EXOC4: variants seen among roughly 807,000 people sequenced by gnomAD.
The protein encoded by EXOC4 is SEC8-like 1.
EXOC4 carries 71 observed loss-of-function variants against 107.2 expected under a neutral mutation model. The observed-to-expected ratio is 0.66, with a 90% confidence interval of 0.55 to 0.81. EXOC4 has a LOEUF of 0.81. Ranked by LOEUF, EXOC4 falls within the 30% of genes least tolerant of loss-of-function variation. EXOC4 has a pLI of 0.00. For synonymous variants in EXOC4, 456 were observed against 441.2 expected (o/e 1.03, Z -0.42); for missense variants, 1,108 against 1,189.6 (o/e 0.93, Z 1.01).
intron 5 of EXOC4, among the ~76,000 whole-genome samples, chr7:133,339,486 C>T (rs147656888): frequency 2.0e-4 from 30 of 152,138 alleles, no homozygotes; most frequent in Admixed American, 5.9e-4. Flanking sequence ...GCTTTGGCTA[C>T]GTGGGTTCCA....
chr7:133,477,610 ACACT>A (rs1799049341), intron 8 of EXOC4, among the ~76,000 whole-genome samples: 1 of 152,136 alleles, frequency 6.6e-6, no homozygotes, highest in African/African-American at 2.4e-5. Context: ...GCTGCTTTAA[ACACT>A]CATATGCAGG....
chr7:133,331,115 G>A (rs1322166812), intron 5 of EXOC4, among the ~76,000 whole-genome samples: 1 of 152,122 alleles, frequency 6.6e-6, no homozygotes, highest in African/African-American at 2.4e-5. Context: ...CTTATAAAAT[G>A]CAAAGTCAAG....
Position 133,465,101 on chromosome 7 carries a change from T to A in EXOC4, c.1183-10227T>A, listed in dbSNP as rs368104639. On this transcript the variant is annotated intron_variant, in intron 7 of 17. Coordinates refer to ENST00000253861, the MANE Select transcript of EXOC4 (RefSeq NM_021807.4). ...TCACAAAGTGTTAGGATTATAGGCA[T>A]GTGCCACTGCACCCAGCCTGAAGTT... Among the ~76,000 whole-genome samples the A allele has an allele frequency of 1.1e-3, 173 of 152,292 alleles. 1 individual carries two copies. Among genetic ancestry groups the A allele is most frequent in the African/African-American group, 3.9e-3 (164 of 41,562 alleles).
intron 7 of EXOC4, among the ~76,000 whole-genome samples, chr7:133,448,002 A>G (rs796390059): frequency 3.7e-4 from 57 of 152,334 alleles, no homozygotes; most frequent in African/African-American, 1.3e-3. Flanking sequence ...TATTGTCCCA[A>G]ATGTGTTTAA....
chr7:133,509,006 C>T (rs770495191), intron 9 of EXOC4, among the ~76,000 whole-genome samples: 14 of 152,166 alleles, frequency 9.2e-5, no homozygotes, highest in African/African-American at 2.7e-4. Context: ...GTAGAAACTG[C>T]TGGTTGCTTA....
In EXOC4 at chr7:133,864,188, T is replaced by TCAAA. The variant is rs1276342684; in HGVS notation, c.1735-31411_1735-31410insCAAA. ...AACTTGATTTGACTAGGCCCACTTG[T>TCAAA]TTGTATGTGGAAATTGATGTTAATG... On this transcript the variant is annotated intron_variant, in intron 11 of 17. Transcript: ENST00000253861. Among the ~76,000 whole-genome samples, 5 of 152,302 alleles carry TCAAA rather than the reference T, an allele frequency of 3.3e-5. No homozygotes were observed. In the South Asian group the frequency reaches 1.0e-3, roughly 32 times the overall value.
chr7:133,323,151 C>T (rs1795154053), intron 5 of EXOC4, among the ~76,000 whole-genome samples: 1 of 152,182 alleles, frequency 6.6e-6, no homozygotes, highest in African/African-American at 2.4e-5. Flanking sequence ...ATCATGTCAT[C>T]TGCAAACAGA....
At chr7:134,058,514 A>T (rs926927195) in intron 17 of EXOC4, among the ~76,000 whole-genome samples, 11 of 152,212 alleles carry the variant, frequency 7.2e-5, no homozygotes, top group Non-Finnish European at 1.5e-4. Context: ...TCTTGCTTGT[A>T]AACTCCCAAA....
At chr7:134,007,601 T>G (rs1471082339) in intron 16 of EXOC4, 75 bp from the exon 17 acceptor site, 2 of 1,395,928 alleles carry the variant, frequency 1.4e-6, no homozygotes. Flanking sequence ...ACAGCAATTC[T>G]GTGTGCAAGT....
chr7:134,075,217 GGGTGA>G, the EXOC4 span, among the ~76,000 whole-genome samples: 1 of 152,162 alleles, frequency 6.6e-6, no homozygotes, highest in Non-Finnish European at 1.5e-5. Flanking sequence ...CATACAGCAT[GGGTGA>G]TTTGGGGTGA....
intron 9 of EXOC4, among the ~76,000 whole-genome samples, chr7:133,548,505 A>G (rs780760667): frequency 1.3e-5 from 2 of 152,192 alleles, no homozygotes; most frequent in African/African-American, 4.8e-5. Context: ...AGGCTGTTTC[A>G]TCTACACTGA....
In EXOC4 at chr7:133,477,244, G is replaced by C. The variant is rs146658292; in HGVS notation, c.1328+1771G>C. On this transcript the variant is annotated intron_variant, in intron 8 of 17. Transcript: ENST00000253861. ...TCTAATGGGTTTTGACAAGGCATAAGTTCCCACCATTACAGTGTCATACAG... is the reference window on the plus strand; with the variant it reads ...TCTAATGGGTTTTGACAAGGCATAACTTCCCACCATTACAGTGTCATACAG... Among the ~76,000 whole-genome samples, 925 of 152,232 alleles carry C rather than the reference G, an allele frequency of 6.1e-3. 12 individuals are homozygous for C. Among genetic ancestry groups the C allele is most frequent in the African/African-American group, 0.021 (880 of 41,536 alleles).
chr7:133,645,436 T>G (rs1163642238), intron 10 of EXOC4, among the ~76,000 whole-genome samples: 1 of 152,040 alleles, frequency 6.6e-6, no homozygotes, highest in Non-Finnish European at 1.5e-5. Context: ...GTGGTCCCTT[T>G]CCTTTTCCTC....
intron 7 of EXOC4, among the ~76,000 whole-genome samples, chr7:133,389,350 C>G (rs1049147597): frequency 6.6e-6 from 1 of 152,022 alleles, no homozygotes; most frequent in Non-Finnish European, 1.5e-5. Flanking sequence ...GCCAGTGGAT[C>G]ACCTGAGGTC....
intron 11 of EXOC4, among the ~76,000 whole-genome samples, chr7:133,833,634 C>G (rs1054539242): frequency 2.0e-5 from 3 of 152,194 alleles, no homozygotes; most frequent in Admixed American, 6.5e-5. Flanking sequence ...ACAGTCATGG[C>G]TCACTGCAGC....
chr7:133,826,018 A>G (rs1480435470), intron 11 of EXOC4, among the ~76,000 whole-genome samples: 1 of 152,116 alleles, frequency 6.6e-6, no homozygotes, highest in Non-Finnish European at 1.5e-5. Context: ...TACTCTTGTT[A>G]TTTTATTTAT....
chr7:133,695,388 G>GT (rs1395068105), intron 10 of EXOC4, among the ~76,000 whole-genome samples: 7 of 152,012 alleles, frequency 4.6e-5, no homozygotes, highest in Non-Finnish European at 8.8e-5. Flanking sequence ...AGACTCTTAG[G>GT]TTGATTCCAT....
Position 133,895,607 on chromosome 7 carries a change from C to T in EXOC4, c.1743C>T (p.Ile581=). 6.2e-7 allele frequency: 1 copy of T among 1,613,912 alleles called. No individual in the cohort carries two copies. Among genetic ancestry groups the T allele is most frequent in the Non-Finnish European group, 8.5e-7 (1 of 1,179,912 alleles). ...GVQRPLLQST[I]IVEKTVQDLL... ...TTGTTGTTCATTTCCAGAGCACAAT[C>T]ATTGTGGAGAAGACAGTTCAAGACC... Residue 581 remains isoleucine, a synonymous_variant, in exon 12 of 18, where the codon ATC becomes ATT. Transcript: ENST00000253861.
At chr7:134,027,337 C>T (rs181316612) in intron 17 of EXOC4, among the ~76,000 whole-genome samples, 26 of 152,160 alleles carry the variant, frequency 1.7e-4, no homozygotes, top group Non-Finnish European at 7.4e-5. Flanking sequence ...GAAAGAAGGA[C>T]TGAGAATATG....
Sources: gnomAD v4.1 joint callset for allele counts (sites outside exome capture counted in the v4.1 genomes callset) on GRCh38, gnomAD v4.1.1 for gene constraint, MANE v1.5 for transcripts, NCBI Gene and HGNC (gene_info 2026-07-23, HGNC 2026-07-21) for gene names.